Variants in TAOK3 observed in about 807,000 individuals in gnomAD.
The protein encoded by TAOK3 is TAO kinase 3, also known as serine/threonine-protein kinase TAO3.
A neutral mutation model predicts 120.4 loss-of-function variants in TAOK3; 40 were observed. The observed-to-expected ratio is 0.33, with a 90% confidence interval of 0.26 to 0.43. The LOEUF (loss-of-function observed/expected upper bound fraction) is 0.43, where lower values mean the gene tolerates loss of function less well. Ranked by LOEUF, TAOK3 falls within the 20% of genes least tolerant of loss-of-function variation. TAOK3 has a pLI of 1.00. For missense variants in TAOK3, 821 were observed against 1,112.1 expected, an observed-to-expected ratio of 0.74 and a Z score of 3.72; for synonymous variants, 355 against 387.5, an observed-to-expected ratio of 0.92 and a Z score of 0.99.
rs1438787504 is a variant in TAOK3 at position 118,255,121 on chromosome 12, T to C, written c.120+327A>G. Among the ~76,000 whole-genome samples, 3 of 152,096 alleles carry C rather than the reference T, an allele frequency of 2.0e-5. No individual in the cohort carries two copies. The East Asian group carries it at 5.8e-4, about 29-fold the overall frequency. On this transcript the variant is annotated intron_variant, in intron 3 of 20. Coordinates refer to ENST00000392533, the MANE Select transcript of TAOK3 (RefSeq NM_016281.4). Reference sequence around the variant, plus strand: ...TGAGTCAATTGATTATAAATACCACTGAATTGAATAAAGCCTAGGATTCTG... The same window carrying C: ...TGAGTCAATTGATTATAAATACCACCGAATTGAATAAAGCCTAGGATTCTG...
chr12:118,211,100 G>A (rs961690251), intron 11 of TAOK3, among the ~76,000 whole-genome samples: 2 of 152,062 alleles, frequency 1.3e-5, no homozygotes, highest in African/African-American at 4.8e-5. Context: ...TTTTTATTGT[G>A]TACTACTGTA....
intron 1 of TAOK3, among the ~76,000 whole-genome samples, chr12:118,339,994 A>G (rs934130616): frequency 6.6e-6 from 1 of 152,204 alleles, no homozygotes; most frequent in African/African-American, 2.4e-5. Flanking sequence ...CCAAAAAACG[A>G]TCACTTCCAC....
intron 16 of TAOK3, among the ~76,000 whole-genome samples, chr12:118,175,304 G>A (rs2036251984): frequency 6.6e-6 from 1 of 152,156 alleles, no homozygotes; most frequent in African/African-American, 2.4e-5. Flanking sequence ...GAACCTTGCT[G>A]AGTCCTCTAT....
At chr12:118,216,585 T>C (rs2038913592) in intron 9 of TAOK3, among the ~76,000 whole-genome samples, 1 of 152,220 alleles carries the variant, frequency 6.6e-6, no homozygotes. Context: ...GCTCTAGTTC[T>C]GAGTACAGTT....
Position 118,202,614 on chromosome 12 carries a change from G to GAA in TAOK3, c.820-1152_820-1151insTT, listed in dbSNP as rs1565941487. Among the ~76,000 whole-genome samples the GAA allele has an allele frequency of 3.3e-5, 5 of 152,016 alleles. No individual in the cohort carries two copies. The East Asian group carries it at 9.6e-4, about 29-fold the overall frequency. The stretch of plus-strand genomic sequence containing the variant: ...TTTTCATTTCCATTTCCAATAATTA[G>GAA]TGAATGTTGAGTATCTTTTCATATA... On this transcript the variant is annotated intron_variant, in intron 11 of 20. Coordinates refer to ENST00000392533, the MANE Select transcript of TAOK3 (RefSeq NM_016281.4).
chr12:118,202,080 T>C (rs2038052174), intron 11 of TAOK3, among the ~76,000 whole-genome samples: 2 of 151,564 alleles, frequency 1.3e-5, no homozygotes, highest in Non-Finnish European at 1.5e-5. Context: ...CTTAGCATAA[T>C]GTCTTCTGGG....
chr12:118,255,793 G>A (rs2040955671), intron 2 of TAOK3, 138 bp from the exon 3 acceptor site: 2 of 449,140 alleles, frequency 4.5e-6, no homozygotes, highest in South Asian at 3.9e-5. Flanking sequence ...AATAAAGAAT[G>A]GACATATGGC....
intron 1 of TAOK3, among the ~76,000 whole-genome samples, chr12:118,361,941 G>A (rs1176567379): frequency 6.7e-6 from 1 of 149,922 alleles, no homozygotes; most frequent in Non-Finnish European, 1.5e-5. Context: ...AAACATGCTG[G>A]TGAGGCTTCA....
At chr12:118,178,091 C>T (rs547414888) in intron 15 of TAOK3, among the ~76,000 whole-genome samples, 18 of 152,056 alleles carry the variant, frequency 1.2e-4, no homozygotes, top group Non-Finnish European at 2.4e-4. Flanking sequence ...GGACCACAGG[C>T]GTGCAGCACC....
intron 2 of TAOK3, among the ~76,000 whole-genome samples, chr12:118,259,371 C>T (rs1053254525): frequency 1.3e-5 from 2 of 152,016 alleles, no homozygotes; most frequent in Non-Finnish European, 2.9e-5. Flanking sequence ...CAGGCTGTAT[C>T]GCTACAAAAG....
chr12:118,281,999 C>T (rs2042116031), intron 1 of TAOK3, among the ~76,000 whole-genome samples: 1 of 152,018 alleles, frequency 6.6e-6, no homozygotes, highest in African/African-American at 2.4e-5. Context: ...CGGTTTGTGG[C>T]CAACATTTAA....
chr12:118,205,454 T>C (rs1184152396), intron 11 of TAOK3, among the ~76,000 whole-genome samples: 1 of 152,004 alleles, frequency 6.6e-6, no homozygotes, highest in Non-Finnish European at 1.5e-5. Flanking sequence ...AGCTAATTAG[T>C]AGAAGAGCTA....
At chr12:118,181,875 T>C (rs1409885767) in intron 14 of TAOK3, among the ~76,000 whole-genome samples, 2 of 152,206 alleles carry the variant, frequency 1.3e-5, no homozygotes, top group Non-Finnish European at 2.9e-5. Flanking sequence ...GTTGAAGAAA[T>C]TGATTCTTGA....
At position 118,160,977 on chromosome 12, in the gene TAOK3, A is replaced by G. The variant is rs977668433; in HGVS notation, c.2140-619T>C. Among the ~76,000 whole-genome samples the G allele has an allele frequency of 2.6e-5, 4 of 152,268 alleles. No homozygotes were observed. Among genetic ancestry groups the G allele is most frequent in the African/African-American group, 9.6e-5 (4 of 41,474 alleles). ...AGAGGTTGTGCTTGCATGTAGCAAT[A>G]TAAAATATGCATTTGGGCAAAGAGA... On this transcript the variant is annotated intron_variant, in intron 18 of 20. Coordinates refer to ENST00000392533, the MANE Select transcript of TAOK3 (RefSeq NM_016281.4). This position sits in a 1 kb window ranked among gnomAD's most constrained non-coding sequence, Gnocchi z 4.2.
At chr12:118,336,465 G>A (rs984653940) in intron 1 of TAOK3, among the ~76,000 whole-genome samples, 1 of 151,802 alleles carries the variant, frequency 6.6e-6, no homozygotes, top group Non-Finnish European at 1.5e-5. Flanking sequence ...ATCAATTACA[G>A]ATTTAAATGT....
intron 1 of TAOK3, among the ~76,000 whole-genome samples, chr12:118,359,343 C>T (rs188703863): frequency 1.3e-5 from 2 of 152,256 alleles, no homozygotes; most frequent in East Asian, 3.9e-4. Context: ...TCAATGCTCA[C>T]CGTTATGGTA....
chr12:118,295,787 C>T (rs1436039502), intron 1 of TAOK3, among the ~76,000 whole-genome samples: 2 of 152,158 alleles, frequency 1.3e-5, no homozygotes, highest in Non-Finnish European at 2.9e-5. Context: ...GTGCCCATTT[C>T]TGATAAACAT....
intron 4 of TAOK3, among the ~76,000 whole-genome samples, chr12:118,244,587 G>A (rs2040405255): frequency 1.4e-5 from 2 of 143,160 alleles, no homozygotes; most frequent in East Asian, 2.1e-4. Flanking sequence ...GGAGTGCAGC[G>A]GCGTGATCTC....
chr12:118,351,976 C>T (rs2045186244), intron 1 of TAOK3, among the ~76,000 whole-genome samples: 1 of 150,252 alleles, frequency 6.7e-6, no homozygotes, highest in African/African-American at 2.5e-5. Context: ...CGGGTTCATG[C>T]CATTCTCCTG....
Sources: gnomAD v4.1 joint callset for allele counts (sites outside exome capture counted in the v4.1 genomes callset) on GRCh38, gnomAD v4.1.1 for gene constraint, Gnocchi (gnomAD v3.1) non-coding constraint, MANE v1.5 for transcripts, NCBI Gene and HGNC (gene_info 2026-07-23, HGNC 2026-07-21) for gene names.